Variants in CCNH observed in about 807,000 individuals in gnomAD.
CCNH encodes the protein cyclin-H.
A neutral mutation model predicts 41.9 loss-of-function variants in CCNH; 31 were observed. The ratio of observed to expected loss-of-function variants is 0.74; its 90% CI spans 0.56 to 1.00. The LOEUF is 1.00. Ranked by LOEUF, CCNH falls within the 50% of genes least tolerant of loss-of-function variation. CCNH has a pLI of 0.00. For synonymous variants in CCNH, 138 were observed against 136.1 expected (o/e 1.01, Z -0.10); for missense variants, 362 against 388.4 (o/e 0.93, Z 0.57).
At chr5:87,324,368 A>T (rs1383115694) in intron 9 of CCNH, among the ~76,000 whole-genome samples, 1 of 151,780 alleles carries the variant, frequency 6.6e-6, no homozygotes, top group Admixed American at 6.6e-5. Flanking sequence ...TCCCTTCGTT[A>T]TCTGTTTACT....
intron 9 of CCNH, among the ~76,000 whole-genome samples, chr5:87,347,907 T>C (rs954084578): frequency 2.6e-5 from 4 of 151,990 alleles, no homozygotes; most frequent in Non-Finnish European, 5.9e-5. Context: ...TTTTAAGTCA[T>C]ACAAGGTTGA....
intron 4 of CCNH, among the ~76,000 whole-genome samples, chr5:87,407,307 G>C (rs1763870119): frequency 6.6e-6 from 1 of 152,092 alleles, no homozygotes; most frequent in African/African-American, 2.4e-5. Context: ...GTTCACAAAA[G>C]TTGAGACTGT....
chr5:87,353,680 AC>A (rs1759444230), intron 9 of CCNH, among the ~76,000 whole-genome samples: 1 of 151,880 alleles, frequency 6.6e-6, no homozygotes, highest in Non-Finnish European at 1.5e-5. Flanking sequence ...ATGTCTGTAT[AC>A]TCTGAGTGAA....
intron 9 of CCNH, among the ~76,000 whole-genome samples, chr5:87,335,934 T>C (rs1757944662): frequency 1.3e-5 from 2 of 152,230 alleles, no homozygotes; most frequent in Non-Finnish European, 2.9e-5. Context: ...ATATTACAAC[T>C]AACCTTCAAG....
At chr5:87,411,569 A>T (rs1270592407) in intron 1 of CCNH, among the ~76,000 whole-genome samples, 1 of 152,246 alleles carries the variant, frequency 6.6e-6, no homozygotes, top group African/African-American at 2.4e-5. Flanking sequence ...TCGGAATGTC[A>T]GCTAGACCTT....
chr5:87,342,866 T>G (rs1473487634), intron 9 of CCNH, among the ~76,000 whole-genome samples: 1 of 152,176 alleles, frequency 6.6e-6, no homozygotes, highest in East Asian at 1.9e-4. Flanking sequence ...AATGGAATTT[T>G]AAATTTAAAA....
Position 87,401,746 on chromosome 5 carries a change from T to G in CCNH, c.716A>C (p.Lys239Thr). ...CTGTGACAGGCAAGTTCTGTTCTCTTTCAGCATCAGACTCTCTGATAAATA... is the reference window on the plus strand; with the variant it reads ...CTGTGACAGGCAAGTTCTGTTCTCTGTCAGCATCAGACTCTCTGATAAATA... Reference protein sequence around the residue: ...ESYLSESLMLKENRTCLSQLL... With the variant: ...ESYLSESLMLTENRTCLSQLL... Residue 239 changes from lysine to threonine, a missense_variant, in exon 6 of 9, where the codon AAA (lysine) becomes ACA (threonine). Lys to Thr is a moderately conservative substitution (Grantham distance 78). Coordinates refer to ENST00000256897, the MANE Select transcript of CCNH (RefSeq NM_001239.4). The G allele has an allele frequency of 6.3e-7, 1 of 1,591,402 alleles. No homozygotes were observed. Among genetic ancestry groups the G allele is most frequent in the African/African-American group, 1.3e-5 (1 of 74,086 alleles).
intron 9 of CCNH, among the ~76,000 whole-genome samples, chr5:87,336,554 T>C (rs1757986518): frequency 6.6e-6 from 1 of 152,108 alleles, no homozygotes; most frequent in Non-Finnish European, 1.5e-5. Flanking sequence ...CACAAAATAA[T>C]ATAGAATGAG....
chr5:87,402,360 T>C (rs1057204927), intron 5 of CCNH, among the ~76,000 whole-genome samples: 2 of 152,214 alleles, frequency 1.3e-5, no homozygotes, highest in African/African-American at 2.4e-5. Flanking sequence ...CAATGTGATA[T>C]AAAACCCAAA....
intron 9 of CCNH, among the ~76,000 whole-genome samples, chr5:87,356,672 C>G (rs1018319171): frequency 1.6e-4 from 25 of 152,076 alleles, no homozygotes; most frequent in African/African-American, 4.3e-4. Context: ...TTTGGTTGCC[C>G]CAACAGTTTT....
intron 9 of CCNH, chr5:87,353,256 T>G (rs1416167470): frequency 1.9e-6 from 3 of 1,553,112 alleles, no homozygotes. Context: ...CATTTCTTAT[T>G]GCAATAATTA....
downstream of CCNH, among the ~76,000 whole-genome samples, chr5:87,393,172 A>G (rs1181972386): frequency 2.0e-5 from 3 of 152,080 alleles, no homozygotes; most frequent in African/African-American, 7.2e-5. Context: ...AAATAGATGT[A>G]ACTATAATGG....
chr5:87,394,321 G>GA lies in CCNH; in HGVS notation c.*124dup, dbSNP rs1343605377. 1 of 1,373,908 alleles carries GA rather than the reference G, an allele frequency of 7.3e-7. No homozygotes were observed. Among genetic ancestry groups the GA allele is most frequent in the Non-Finnish European group, 9.5e-7 (1 of 1,053,916 alleles). 85.1% of individuals were successfully genotyped at this position (1,373,908 alleles called of 1,614,324 possible). On this transcript the variant is annotated 3_prime_UTR_variant, in exon 9 of 9. Coordinates refer to ENST00000256897, the MANE Select transcript of CCNH (RefSeq NM_001239.4). The stretch of plus-strand genomic sequence containing the variant: ...ACATAAAGTTACTGTGAAAGGGAAA[G>GA]AAAACAATAGAAAAGTTTTAATATA...
chr5:87,312,921 T>C, the CCNH span, among the ~76,000 whole-genome samples: 1 of 152,362 alleles, frequency 6.6e-6, no homozygotes, highest in South Asian at 2.1e-4. Flanking sequence ...TTCAGGTGTT[T>C]ATCAGGGAAT....
rs181093203 is a variant in CCNH, at chr5:87,396,439, G to A, written c.873-1335C>T. ...GCTTGAGACCATCCTTGGCTAACAC[G>A]GTAAAATCCCGTCTCTACTAAAAAT... On this transcript the variant is annotated intron_variant, in intron 7 of 8. Transcript: ENST00000256897. Among the ~76,000 whole-genome samples the A allele has an allele frequency of 3.1e-4, 47 of 152,140 alleles. No homozygotes were observed. The Middle Eastern group carries it at 0.017, about 55-fold the overall frequency.
downstream of CCNH, chr5:87,391,010 A>G: frequency 1.1e-6 from 1 of 948,348 alleles, no homozygotes; most frequent in South Asian, 1.4e-5. Context: ...TGTGTGAGCT[A>G]TGCAAACAAA....
chr5:87,405,053 G>A, intron 4 of CCNH, 46 bp from the exon 5 acceptor site: 1 of 1,393,410 alleles, frequency 7.2e-7, no homozygotes, highest in South Asian at 1.2e-5. Context: ...GGGTTTAAAT[G>A]GAGTATAACA....
chr5:87,319,487 C>T (rs1004671103), intron 9 of CCNH, among the ~76,000 whole-genome samples: 1 of 151,974 alleles, frequency 6.6e-6, no homozygotes, highest in Non-Finnish European at 1.5e-5. Context: ...CACCCACAGA[C>T]CCAACACCAT....
chr5:87,393,399 C>CTAA (rs1414872652), downstream of CCNH: 1 of 152,104 alleles, frequency 6.6e-6, no homozygotes, highest in Non-Finnish European at 1.5e-5. Context: ...AGGTACTATT[C>CTAA]TAATTAATCC....
Sources: allele counts gnomAD v4.1 joint callset (sites outside exome capture counted in the v4.1 genomes callset), GRCh38; gene constraint gnomAD v4.1.1; transcripts MANE v1.5; gene names NCBI Gene and HGNC (gene_info 2026-07-23, HGNC 2026-07-21).